SLC16A12: variants seen among roughly 807,000 people sequenced by gnomAD.
SLC16A12 encodes the protein monocarboxylate transporter 12.
SLC16A12 carries 17 observed loss-of-function variants against 42.4 expected under a neutral mutation model. That is an observed-to-expected ratio of 0.40 (90% CI 0.27 to 0.60). The LOEUF (loss-of-function observed/expected upper bound fraction) is 0.60, where lower values mean the gene tolerates loss of function less well. SLC16A12 is among the 20% of genes least tolerant of loss of function. The pLI is 0.42. For synonymous variants in SLC16A12, 224 were observed against 229.4 expected, an observed-to-expected ratio of 0.98 and a Z score of 0.21; for missense variants, 544 against 623.0, an observed-to-expected ratio of 0.87 and a Z score of 1.35.
At chr10:89,514,622 C>A (rs1321489555) in intron 2 of SLC16A12, among the ~76,000 whole-genome samples, 2 of 152,200 alleles carry the variant, frequency 1.3e-5, no homozygotes, top group African/African-American at 2.4e-5. Flanking sequence ...CATGAAGACT[C>A]CATCCTTGTG....
At chr10:89,475,443 G>A (rs1259490445) in intron 2 of SLC16A12, among the ~76,000 whole-genome samples, 2 of 152,276 alleles carry the variant, frequency 1.3e-5, no homozygotes, top group East Asian at 3.9e-4. Flanking sequence ...AGAGCCTCTG[G>A]ATCCTGGAGA....
intron 2 of SLC16A12, among the ~76,000 whole-genome samples, chr10:89,468,585 A>G (rs1842445166): frequency 6.6e-6 from 1 of 152,166 alleles, no homozygotes; most frequent in African/African-American, 2.4e-5. Context: ...GGAAGGGGGG[A>G]GAAGCCGACA....
chr10:89,506,929 TAC>T (rs1274413246), intron 2 of SLC16A12, among the ~76,000 whole-genome samples: 1 of 151,896 alleles, frequency 6.6e-6, no homozygotes, highest in Non-Finnish European at 1.5e-5. Context: ...TAGTGAAGCA[TAC>T]ACAAGCTTCA....
chr10:89,441,144 G>A lies in SLC16A12; in HGVS notation c.412C>T (p.Leu138=). ...CCCAGAGTGAGGTAGAGATGCTTCA[G>A]ACTCGTGGCAAATGAGCTCAGGATG... ...GLILSSFATS[L]KHLYLTLGVL... The change falls in exon 5 of 8, where the codon CTG becomes TTG. Residue 138 remains leucine, a synonymous_variant. Transcript: ENST00000371790. The A allele has an allele frequency of 6.2e-7, 1 of 1,613,932 alleles. No individual in the cohort carries two copies.
At chr10:89,538,142 G>C (rs144133278), upstream of SLC16A12, among the ~76,000 whole-genome samples, 309 of 152,360 alleles carry the variant, frequency 2.0e-3, 1 homozygote, top group Non-Finnish European at 4.0e-3. Context: ...TTTCACTGAG[G>C]CTGGAGGATT....
intron 2 of SLC16A12, among the ~76,000 whole-genome samples, chr10:89,491,954 TA>T (rs979748128): frequency 1.8e-4 from 27 of 152,000 alleles, no homozygotes; most frequent in African/African-American, 5.8e-4. Flanking sequence ...ACAGGAGCTA[TA>T]AAAAAAAGTA....
chr10:89,502,592 G>A (rs747528681), intron 2 of SLC16A12, among the ~76,000 whole-genome samples: 1 of 152,212 alleles, frequency 6.6e-6, no homozygotes, highest in Non-Finnish European at 1.5e-5. Flanking sequence ...CAGCATTTCA[G>A]AGCCATGCAC....
intron 2 of SLC16A12, among the ~76,000 whole-genome samples, chr10:89,512,754 T>C (rs1021716910): frequency 3.3e-5 from 5 of 152,160 alleles, no homozygotes; most frequent in Non-Finnish European, 5.9e-5. Context: ...AGTAAGTAGA[T>C]TGGTTTTCTG....
intron 2 of SLC16A12, among the ~76,000 whole-genome samples, chr10:89,546,995 G>C (rs1352694517): frequency 6.6e-6 from 1 of 152,188 alleles, no homozygotes; most frequent in Non-Finnish European, 1.5e-5. Flanking sequence ...AGAACACATG[G>C]ACACAGGGAG....
intron 2 of SLC16A12, among the ~76,000 whole-genome samples, chr10:89,554,040 GAAAGAAAGAAAGAAAGAAAGA>G (rs1843787744): frequency 2.2e-5 from 1 of 45,430 alleles, no homozygotes; most frequent in Admixed American, 2.5e-4. Flanking sequence ...AAGGAAGAAA[GAAAGAAAGAAAGAAAGAAAGA>G]AAGAAAGAAA....
In SLC16A12 at chr10:89,430,494, A is replaced by G. The variant is rs1192783964; in HGVS notation, c.*2570T>C. On this transcript the variant is annotated 3_prime_UTR_variant, in exon 8 of 8. Transcript: ENST00000371790. ...TTACAGTAGTAGAAAGAAATATTTA[A>G]GATGTAAAATTATCCCACTATAATT... 5 of 403,708 alleles carry G rather than the reference A, an allele frequency of 1.2e-5. No individual in the cohort carries two copies. Among genetic ancestry groups the G allele is most frequent in the South Asian group, 9.6e-5 (5 of 52,020 alleles). The allele number at this position is 403,708 out of a possible 1,614,324, so 25.0% of individuals were successfully genotyped here. A position where few individuals can be genotyped will look rare whatever the true frequency, so the allele number is the denominator to read the frequency against.
intron 2 of SLC16A12, among the ~76,000 whole-genome samples, chr10:89,505,772 C>T (rs1018981253): frequency 6.6e-6 from 1 of 152,164 alleles, no homozygotes; most frequent in Non-Finnish European, 1.5e-5. Context: ...CAGGAGATTC[C>T]CTCTGGTGCC....
At chr10:89,433,895 A>C (rs1841735020) in intron 7 of SLC16A12, among the ~76,000 whole-genome samples, 1 of 152,184 alleles carries the variant, frequency 6.6e-6, no homozygotes, top group Non-Finnish European at 1.5e-5. Flanking sequence ...AATTAATCTC[A>C]ATATCTATCT....
chr10:89,436,354 G>T, intron 6 of SLC16A12, 35 bp from the exon 7 acceptor site: 9 of 1,613,354 alleles, frequency 5.6e-6, no homozygotes, highest in Non-Finnish European at 5.9e-6. Context: ...AGTGCAGGAG[G>T]TACACATTCT....
rs142514187 is a variant in SLC16A12, at chr10:89,461,623, G to A, written c.200+756C>T. ...CTCTTGCCATCAGTTTGCCCATAGT[G>A]TTTTTCTTGATTTATGAATTATAGA... On this transcript the variant is annotated intron_variant, in intron 3 of 7. Coordinates refer to ENST00000371790, the MANE Select transcript of SLC16A12 (RefSeq NM_213606.4). Among the ~76,000 whole-genome samples, 38 of 152,198 alleles carry A rather than the reference G, an allele frequency of 2.5e-4. 1 individual carries two copies. The East Asian group carries it at 7.3e-3, about 29-fold the overall frequency.
chr10:89,533,252 T>C lies in SLC16A12; in HGVS notation c.-47+1249A>G, dbSNP rs530896543. ...TTTGGATCACTTATGTTTATTTTCC[T>C]GCTTAGGTAAAACTGAAATTCTCTT... On this transcript the variant is annotated intron_variant, in intron 2 of 7. Transcript: ENST00000371790. Among the ~76,000 whole-genome samples, 25 of 151,870 alleles carry C rather than the reference T, an allele frequency of 1.6e-4. No homozygotes were observed. In the South Asian group the frequency reaches 5.2e-3, roughly 32 times the overall value.
In SLC16A12 at chr10:89,524,551, A is replaced by G. The variant is rs191894212; in HGVS notation, c.-47+9950T>C. Reference sequence around the variant, plus strand: ...GTTCAACCTGCGAATTTCTACAATTATTTAATGGTTTGACCAACCTCAGCA... The same window carrying G: ...GTTCAACCTGCGAATTTCTACAATTGTTTAATGGTTTGACCAACCTCAGCA... On this transcript the variant is annotated intron_variant, in intron 2 of 7. Coordinates refer to ENST00000371790, the MANE Select transcript of SLC16A12 (RefSeq NM_213606.4). Among the ~76,000 whole-genome samples, 508 of 152,324 alleles carry G rather than the reference A, an allele frequency of 3.3e-3. 5 individuals carry two copies. The highest frequency in any genetic ancestry group is 0.012 in the African/African-American group (488 of 41,562).
chr10:89,537,698 T>A (rs185870865), upstream of SLC16A12, among the ~76,000 whole-genome samples: 12 of 152,278 alleles, frequency 7.9e-5, no homozygotes, highest in Admixed American at 7.2e-4. Flanking sequence ...TAAACATTGC[T>A]TTGGGTGGCA....
intron 2 of SLC16A12, among the ~76,000 whole-genome samples, chr10:89,545,087 G>A (rs957076492): frequency 6.6e-6 from 1 of 152,080 alleles, no homozygotes; most frequent in Non-Finnish European, 1.5e-5. Context: ...TGGCCTGCTG[G>A]ATGAGAGGAC....
Sources: gnomAD v4.1 joint callset for allele counts (sites outside exome capture counted in the v4.1 genomes callset) on GRCh38, gnomAD v4.1.1 for gene constraint, MANE v1.5 for transcripts, NCBI Gene and HGNC (gene_info 2026-07-23, HGNC 2026-07-21) for gene names.